SP140: variants seen among roughly 807,000 people sequenced by gnomAD.
SP140 encodes nuclear body protein SP140.
Under a neutral mutation model 125.0 loss-of-function variants are expected in SP140, and 81 were observed. That is an observed-to-expected ratio of 0.65 (90% CI 0.54 to 0.78). SP140 has a LOEUF of 0.78. Ranked by LOEUF, SP140 falls within the 30% of genes least tolerant of loss-of-function variation. The pLI is 0.00. For synonymous variants in SP140, 312 were observed against 354.0 expected (o/e 0.88, Z 1.33); for missense variants, 858 against 1,037.0 (o/e 0.83, Z 2.37).
intron 12 of SP140, among the ~76,000 whole-genome samples, chr2:230,263,622 A>C (rs761679032): frequency 3.3e-5 from 5 of 152,082 alleles, no homozygotes; most frequent in Non-Finnish European, 5.9e-5. Flanking sequence ...GATTTGTTTC[A>C]ATATTGAGAG....
At chr2:230,282,807 T>C (rs894083258) in intron 15 of SP140, among the ~76,000 whole-genome samples, 10 of 152,174 alleles carry the variant, frequency 6.6e-5, no homozygotes, top group Non-Finnish European at 1.5e-4. Context: ...GTGTATACAA[T>C]TGTTGGGCTT....
At chr2:230,256,785 T>A (rs937880981) in intron 12 of SP140, among the ~76,000 whole-genome samples, 1 of 152,228 alleles carries the variant, frequency 6.6e-6, no homozygotes, top group Non-Finnish European at 1.5e-5. Context: ...TTCAGTGTAA[T>A]GGTATTCTAC....
chr2:230,284,101 T>G (rs2056024601), intron 15 of SP140, among the ~76,000 whole-genome samples: 1 of 152,090 alleles, frequency 6.6e-6, no homozygotes, highest in Non-Finnish European at 1.5e-5. Context: ...AATTTTCCAT[T>G]AAAAATTTTG....
intron 16 of SP140, 50 bp from the exon 17 acceptor site, chr2:230,285,702 C>G: frequency 6.9e-7 from 1 of 1,447,614 alleles, no homozygotes; most frequent in Non-Finnish European, 9.7e-7. Context: ...TGCCTGACAG[C>G]TGTTGTTCTG....
rs143945781 is a variant in SP140, at chr2:230,284,558, G to A, written c.1564+147G>A. On this transcript the variant is annotated intron_variant, in intron 16 of 26. Transcript: ENST00000392045. ...TAGACTAACAGGCTGTGACAAAGAG[G>A]CCTGAGAATGCAATGGCTTCAACAA... The A allele has an allele frequency of 7.9e-4, 485 of 611,530 alleles. No homozygotes were observed. In the African/African-American group the frequency reaches 8.2e-3, roughly 10 times the overall value. 37.9% of individuals were successfully genotyped at this position (611,530 alleles called of 1,614,324 possible).
At chr2:230,312,561 G>GT in intron 26 of SP140, 25 bp from the exon 27 acceptor site, 1 of 1,496,584 alleles carries the variant, frequency 6.7e-7, no homozygotes, top group Non-Finnish European at 9.3e-7. Context: ...GAGGAGCATT[G>GT]TTTTTGTCTT....
intron 19 of SP140, among the ~76,000 whole-genome samples, chr2:230,291,392 G>T (rs1353624938): frequency 6.6e-6 from 1 of 152,106 alleles, no homozygotes; most frequent in Non-Finnish European, 1.5e-5. Flanking sequence ...GGAACAATTT[G>T]TTCCCCACTG....
intron 1 of SP140, among the ~76,000 whole-genome samples, chr2:230,233,734 G>A (rs2047584677): frequency 6.6e-6 from 1 of 152,156 alleles, no homozygotes; most frequent in Non-Finnish European, 1.5e-5. Flanking sequence ...AAATTAGCCA[G>A]AGGATTAGCA....
At chr2:230,208,207 AG>A in intron 1 of SP140, 2 of 615,866 alleles carry the variant, frequency 3.2e-6, no homozygotes, top group Non-Finnish European at 5.8e-6. Flanking sequence ...AGGGAGTAAT[AG>A]GGGAAGAAGG....
the SP140 span, among the ~76,000 whole-genome samples, chr2:230,190,871 G>A: frequency 2.0e-5 from 3 of 152,138 alleles, no homozygotes; most frequent in African/African-American, 7.2e-5. Context: ...GGTTGTAGAT[G>A]TGTCGTGTTA....
At chr2:230,238,591 C>T in intron 3 of SP140, 1 of 749,300 alleles carries the variant, frequency 1.3e-6, no homozygotes, top group Non-Finnish European at 2.1e-6. Flanking sequence ...ACCAAGTAAT[C>T]CTGCAAATGG....
intron 10 of SP140, among the ~76,000 whole-genome samples, chr2:230,251,536 A>G (rs2050368259): frequency 6.6e-6 from 1 of 152,162 alleles, no homozygotes; most frequent in Non-Finnish European, 1.5e-5. Context: ...CTTCACTATC[A>G]ATAGTATTAC....
At chr2:230,202,484 A>G (rs2043280242), upstream of SP140, 2 of 1,188,424 alleles carry the variant, frequency 1.7e-6, no homozygotes, top group Non-Finnish European at 1.2e-6. Flanking sequence ...TCCTTTTACT[A>G]TTGACTTTAC....
At chr2:230,194,354 C>G in the SP140 span, among the ~76,000 whole-genome samples, 2 of 151,886 alleles carry the variant, frequency 1.3e-5, no homozygotes. Flanking sequence ...TATCCGAGAA[C>G]TTTGGGAGGC....
the SP140 span, among the ~76,000 whole-genome samples, chr2:230,195,947 A>C: frequency 6.6e-6 from 1 of 152,194 alleles, no homozygotes; most frequent in Non-Finnish European, 1.5e-5. Flanking sequence ...ATATAAGTTA[A>C]AAATGCTCAA....
chr2:230,300,647 A>G (rs911918767), intron 22 of SP140, among the ~76,000 whole-genome samples: 1 of 152,230 alleles, frequency 6.6e-6, no homozygotes, highest in African/African-American at 2.4e-5. Context: ...AGAGAATCTG[A>G]ACAGCAGCTC....
At chr2:230,193,677 TAAGACTCCAATCC>T in the SP140 span, among the ~76,000 whole-genome samples, 1 of 152,204 alleles carries the variant, frequency 6.6e-6, no homozygotes, top group African/African-American at 2.4e-5. Context: ...AGACTAAAGA[TAAGACTCCAATCC>T]CTTCCAGCTT....
intron 1 of SP140, chr2:230,209,974 T>C (rs750446967): frequency 6.2e-7 from 1 of 1,609,744 alleles, no homozygotes; most frequent in Non-Finnish European, 8.5e-7. Context: ...GGGGCTCTTC[T>C]GGGTCATTTG....
intron 15 of SP140, 82 bp from the exon 16 acceptor site, chr2:230,284,263 AT>A: frequency 7.4e-7 from 1 of 1,347,754 alleles, no homozygotes; most frequent in Non-Finnish European, 1.0e-6. Flanking sequence ...ATGAAAAAAA[AT>A]CTTTAATACT....
Sources: gnomAD v4.1 joint callset for allele counts (sites outside exome capture counted in the v4.1 genomes callset) on GRCh38, gnomAD v4.1.1 for gene constraint, MANE v1.5 for transcripts, NCBI Gene and HGNC (gene_info 2026-07-23, HGNC 2026-07-21) for gene names.